APIP: variants seen among roughly 807,000 people sequenced by gnomAD.
APIP encodes the protein APAF1 interacting protein.
In APIP, 32 loss-of-function variants were observed where a neutral mutation model predicts 32.0. The observed-to-expected ratio is 1.00, with a 90% CI of 0.76 to 1.34. APIP has a LOEUF of 1.34. Among genes scored for constraint, APIP ranks in the 40% most tolerant of loss-of-function variants. The pLI is 0.00. For missense variants in APIP, 247 were observed against 298.6 expected, an observed-to-expected ratio of 0.83 and a Z score of 1.27; for synonymous variants, 92 against 94.8, an observed-to-expected ratio of 0.97 and a Z score of 0.17.
intron 1 of APIP, among the ~76,000 whole-genome samples, chr11:34,905,592 G>A (rs952520569): frequency 6.6e-6 from 1 of 152,150 alleles, no homozygotes. Context: ...CCATGCTTGG[G>A]AGATCTCAAA....
At chr11:34,905,319 G>A (rs967755317) in intron 1 of APIP, among the ~76,000 whole-genome samples, 3 of 152,084 alleles carry the variant, frequency 2.0e-5, no homozygotes, top group Non-Finnish European at 2.9e-5. Context: ...TAATTGTTGG[G>A]TCTGTCCTAA....
At position 34,882,621 on chromosome 11, in the gene APIP, T is replaced by C. The variant is rs1216891252; in HGVS notation, c.*96A>G. 1 of 884,390 alleles carries C rather than the reference T, an allele frequency of 1.1e-6. No homozygotes were observed. Among genetic ancestry groups the C allele is most frequent in the African/African-American group, 1.7e-5 (1 of 57,522 alleles). The allele number at this position is 884,390 out of a possible 1,614,324, so 54.8% of individuals were successfully genotyped here. ...AGTATTTAGTGGCAAATTAGTAGCA[T>C]CATGAAAAATTTCAATTCATTTAAA... On this transcript the variant is annotated 3_prime_UTR_variant, in exon 7 of 7. Coordinates refer to ENST00000395787, the MANE Select transcript of APIP (RefSeq NM_015957.4).
At chr11:34,910,652 A>G (rs1435763926) in intron 1 of APIP, among the ~76,000 whole-genome samples, 25 of 152,236 alleles carry the variant, frequency 1.6e-4, no homozygotes. Flanking sequence ...TACCACTGAT[A>G]ATAAGAATTG....
chr11:34,914,221 C>T (rs934693041), intron 1 of APIP, among the ~76,000 whole-genome samples: 1 of 152,174 alleles, frequency 6.6e-6, no homozygotes, highest in Non-Finnish European at 1.5e-5. Context: ...TGTTGTCATA[C>T]CATCTTTGTC....
chr11:34,885,015 G>C (rs1998603), intron 5 of APIP, among the ~76,000 whole-genome samples: 90,400 of 150,486 alleles, frequency 0.6, 28,186 homozygotes, highest in East Asian at 0.74. Flanking sequence ...GTACCATAGA[G>C]ACATTGCTTC....
At chr11:34,909,125 G>A (rs987128219) in intron 1 of APIP, among the ~76,000 whole-genome samples, 2 of 152,158 alleles carry the variant, frequency 1.3e-5, no homozygotes, top group Admixed American at 1.3e-4. Context: ...GCATTTGGAA[G>A]ATGAAGGACT....
At chr11:34,883,796 C>G (rs1423899553) in intron 5 of APIP, among the ~76,000 whole-genome samples, 1 of 152,090 alleles carries the variant, frequency 6.6e-6, no homozygotes, top group East Asian at 1.9e-4. Context: ...TAAATGTTTC[C>G]TTGAAGCAGG....
At chr11:34,915,170 G>A (rs1239444773) in intron 1 of APIP, among the ~76,000 whole-genome samples, 1 of 151,952 alleles carries the variant, frequency 6.6e-6, no homozygotes, top group African/African-American at 2.4e-5. Flanking sequence ...TCATTCTGAT[G>A]ACATTACACT....
At chr11:34,907,684 T>C (rs1451431828) in intron 1 of APIP, among the ~76,000 whole-genome samples, 1 of 152,204 alleles carries the variant, frequency 6.6e-6, no homozygotes. Flanking sequence ...TCAATATTAC[T>C]TTCCTATTAT....
At chr11:34,893,707 AC>A (rs746536857) in intron 2 of APIP, among the ~76,000 whole-genome samples, 4 of 152,146 alleles carry the variant, frequency 2.6e-5, no homozygotes, top group Non-Finnish European at 4.4e-5. Flanking sequence ...TAACAGAGGA[AC>A]CTCTTGTCAT....
intron 1 of APIP, chr11:34,915,845 G>T: frequency 3.5e-6 from 1 of 285,604 alleles, no homozygotes; most frequent in Non-Finnish European, 6.5e-6. Flanking sequence ...TCGTCAGGGC[G>T]CAGAAAAGAA....
chr11:34,906,605 G>A (rs1300400023), intron 1 of APIP, among the ~76,000 whole-genome samples: 2 of 152,312 alleles, frequency 1.3e-5, no homozygotes, highest in Non-Finnish European at 2.9e-5. Context: ...TTTCACCACA[G>A]TAGCAGCACA....
chr11:34,888,611 G>A (rs1438733350), intron 4 of APIP, 141 bp downstream of exon 4: 4 of 1,099,876 alleles, frequency 3.6e-6, no homozygotes, highest in Non-Finnish European at 5.1e-6. Flanking sequence ...ATAGGTTGAT[G>A]TGAGAACTGA....
At chr11:34,885,707 C>T (rs56327400) in intron 5 of APIP, among the ~76,000 whole-genome samples, 44 of 152,290 alleles carry the variant, frequency 2.9e-4, no homozygotes, top group Admixed American at 5.9e-4. Flanking sequence ...TGATGTCCCT[C>T]AGCAAACCTT....
At chr11:34,896,925 C>T in intron 1 of APIP, 2 of 722,204 alleles carry the variant, frequency 2.8e-6, no homozygotes, top group Non-Finnish European at 4.1e-6. Flanking sequence ...CCCACATAAA[C>T]TGGAGACCCC....
chr11:34,913,530 G>C (rs971593503), intron 1 of APIP, among the ~76,000 whole-genome samples: 2 of 152,172 alleles, frequency 1.3e-5, no homozygotes, highest in African/African-American at 2.4e-5. Context: ...TCCTCCCGGT[G>C]GGTTCATGGT....
At chr11:34,907,267 T>C (rs1191957892) in intron 1 of APIP, among the ~76,000 whole-genome samples, 2 of 152,236 alleles carry the variant, frequency 1.3e-5, no homozygotes, top group Non-Finnish European at 2.9e-5. Flanking sequence ...AGTGATATTT[T>C]AACTACATTT....
intron 1 of APIP, among the ~76,000 whole-genome samples, chr11:34,896,139 T>C (rs1474089626): frequency 6.6e-6 from 1 of 152,240 alleles, no homozygotes; most frequent in Admixed American, 6.5e-5. Context: ...GGAATGCTTT[T>C]ACACTGTTGG....
rs1180435344 is a variant in APIP at position 34,916,212 on chromosome 11, G to A, written c.57+16C>T. ...CTCCTCCTGGGAATACCGGGCACCG[G>A]TGGCCCCGCCCCTACCTGCGCGCCG... is the stretch of plus-strand genomic sequence containing the variant. On this transcript the variant is annotated intron_variant, in intron 1 of 6. Transcript: ENST00000395787. 1.9e-6 allele frequency: 3 copies of A among 1,607,188 alleles called. No individual in the cohort carries two copies. The highest frequency in any genetic ancestry group is 2.5e-6 in the Non-Finnish European group (3 of 1,177,934).
Sources: gnomAD v4.1 joint callset for allele counts (sites outside exome capture counted in the v4.1 genomes callset) on GRCh38, gnomAD v4.1.1 for gene constraint, MANE v1.5 for transcripts, NCBI Gene and HGNC (gene_info 2026-07-23, HGNC 2026-07-21) for gene names.